The following CEP250 variants were observed in gnomAD, a reference collection of about 807,000 sequenced individuals.
CEP250 encodes the protein centrosome-associated protein CEP250.
CEP250 carries 242 observed loss-of-function variants against 315.7 expected under a neutral mutation model. That is an observed-to-expected ratio of 0.77 (90% CI 0.69 to 0.85). The LOEUF (loss-of-function observed/expected upper bound fraction) is 0.85. Among genes scored for constraint, CEP250 ranks in the 40% least tolerant of loss-of-function variants. CEP250 has a pLI of 0.00. For synonymous variants in CEP250, 1,088 were observed against 1,175.0 expected (o/e 0.93, Z 1.51); for missense variants, 2,515 against 2,886.4 (o/e 0.87, Z 2.95).
At chr20:35,486,022 T>C (rs184541015) in intron 20 of CEP250, among the ~76,000 whole-genome samples, 2 of 150,422 alleles carry the variant, frequency 1.3e-5, no homozygotes, top group African/African-American at 4.9e-5. Flanking sequence ...GGGTGAAAGA[T>C]AGTGGATTTA....
rs116172871 is a variant in CEP250, at chr20:35,472,707, G to A, written c.1085G>A (p.Gly362Asp). 2 of 1,614,160 alleles carry A rather than the reference G, an allele frequency of 1.2e-6. No homozygotes were observed. Among genetic ancestry groups the A allele is most frequent in the Non-Finnish European group, 8.5e-7 (1 of 1,180,022 alleles). The change falls in exon 12 of 35, where the codon GGC (glycine) becomes GAC (aspartate). Residue 362 changes from glycine to aspartate, a missense_variant. Gly to Asp is a moderately conservative substitution (Grantham distance 94). Coordinates refer to ENST00000397527, the MANE Select transcript of CEP250 (RefSeq NM_007186.6). ...GAAGAAGGGGACAATATAGCCCAAG[G>A]CTCTGGTCATGAGAACTCTTTGGAA... Reference protein sequence around the residue: ...MVEEGDNIAQGSGHENSLELD... With the variant: ...MVEEGDNIAQDSGHENSLELD...
In CEP250 at chr20:35,503,459, G is replaced by A. The variant is rs142095721; in HGVS notation, c.5090G>A (p.Arg1697Gln). The A allele has an allele frequency of 4.6e-5, 74 of 1,614,134 alleles. No individual in the cohort carries two copies. Among genetic ancestry groups the A allele is most frequent in the Admixed American group, 2.2e-4 (13 of 60,022 alleles). ...QIKLSLRERG[R>Q]ELTTQRQLMQ... Reference sequence around the variant, plus strand: ...AAGCTGTCCTTGAGAGAGCGAGGCCGGGAGCTGACCACTCAGAGGCAGCTG... The same window carrying A: ...AAGCTGTCCTTGAGAGAGCGAGGCCAGGAGCTGACCACTCAGAGGCAGCTG... The change falls in exon 30 of 35, where the codon CGG becomes CAG. Residue 1697 changes from arginine (R) to glutamine (Q), a missense_variant. By Grantham distance (43) the Arg-to-Gln change is conservative (BLOSUM62 1). Coordinates refer to ENST00000397527, the MANE Select transcript of CEP250 (RefSeq NM_007186.6). The surrounding 1 kb of genome is among the most constrained non-coding windows in gnomAD (Gnocchi z 4.2).
At chr20:35,466,276 A>G in intron 7 of CEP250, 72 bp downstream of exon 7, 4 of 1,491,798 alleles carry the variant, frequency 2.7e-6, no homozygotes, top group Non-Finnish European at 3.6e-6. Context: ...TCAGTACTGG[A>G]AGGAGTTAAC....
rs1449430875 is a variant in CEP250 at position 35,517,158 on chromosome 20, T to C, written c.*5532T>C. The C allele has an allele frequency of 3.2e-6, 1 of 315,044 alleles. No homozygotes were observed. The highest frequency in any genetic ancestry group is 4.6e-6 in the Non-Finnish European group (1 of 216,876). The allele number at this position is 315,044 out of a possible 1,614,324, so 19.5% of individuals were successfully genotyped here. ...CCTGCCTCCCTCTGGACCTATTCAG[T>C]CCTCAAGGGTGCCCTGCTAAAGGCT... On this transcript the variant is annotated 3_prime_UTR_variant, in exon 35 of 35. Transcript: ENST00000397527.
rs368047212 is a variant in CEP250, at chr20:35,461,365, TG to T, written c.-103-898del. 2.9e-3 allele frequency among the ~76,000 whole-genome samples: 439 copies of T among 150,826 alleles called. 2 individuals carry two copies. The highest frequency in any genetic ancestry group is 6.8e-3 in the Middle Eastern group (2 of 292). On this transcript the variant is annotated intron_variant, in intron 3 of 34. Transcript: ENST00000397527. ...GCACATCTGAGGTCACAGAGCCCAT[TG>T]GAGGCAGAGCTTGGACTAACACCCA... is the stretch of plus-strand genomic sequence containing the variant.
intron 24 of CEP250, 73 bp from the exon 25 acceptor site, chr20:35,496,504 G>C: frequency 7.9e-7 from 1 of 1,269,748 alleles, no homozygotes. Flanking sequence ...GCTATGTTTA[G>C]AATACTCAGA....
intron 20 of CEP250, among the ~76,000 whole-genome samples, chr20:35,490,260 C>A (rs552146426): frequency 6.6e-6 from 1 of 152,024 alleles, no homozygotes; most frequent in Non-Finnish European, 1.5e-5. Context: ...TTGCAGTGAG[C>A]GGAGATCGTG....
At position 35,514,054 on chromosome 20, in the gene CEP250, C is replaced by T; in HGVS notation, c.*2428C>T. On this transcript the variant is annotated 3_prime_UTR_variant, in exon 35 of 35. Transcript: ENST00000397527. ...GCAGGATTGCCTCTGTGGAGTGTCC[C>T]ACCAATAATGGTGACAACTGCTGTT... 1 of 152,282 alleles carries T rather than the reference C, an allele frequency of 6.6e-6. No individual in the cohort carries two copies. The highest frequency in any genetic ancestry group is 1.9e-4 in the East Asian group (1 of 5,192). 9.4% of individuals were successfully genotyped at this position (152,282 alleles called of 1,614,324 possible).
intron 24 of CEP250, among the ~76,000 whole-genome samples, chr20:35,496,177 G>T (rs545968227): frequency 6.6e-6 from 1 of 152,082 alleles, no homozygotes; most frequent in South Asian, 2.1e-4. Context: ...TGCCAGAGAA[G>T]AATAAGGTTG....
intron 20 of CEP250, among the ~76,000 whole-genome samples, chr20:35,486,498 C>T (rs1254760524): frequency 6.6e-6 from 1 of 152,072 alleles, no homozygotes; most frequent in African/African-American, 2.4e-5. Flanking sequence ...CTGCCACAGC[C>T]TCCCAAACTG....
intron 21 of CEP250, 197 bp from the exon 22 acceptor site, chr20:35,491,015 C>T: frequency 1.3e-6 from 1 of 789,836 alleles, no homozygotes; most frequent in Admixed American, 2.9e-5. Context: ...TGACATGTAC[C>T]ACATCCTGTC....
At chr20:35,461,129 T>C (rs955535166) in intron 3 of CEP250, among the ~76,000 whole-genome samples, 3 of 152,254 alleles carry the variant, frequency 2.0e-5, no homozygotes, top group Non-Finnish European at 4.4e-5. Context: ...TTCTACTGTA[T>C]GTGCAAATGT....
chr20:35,475,157 A>T (rs2063134706), intron 14 of CEP250, among the ~76,000 whole-genome samples: 1 of 152,172 alleles, frequency 6.6e-6, no homozygotes, highest in Non-Finnish European at 1.5e-5. Context: ...AAGAAGATAC[A>T]CAGAGAAGTC....
chr20:35,508,976 G>C lies in CEP250; in HGVS notation c.6940G>C (p.Ala2314Pro), dbSNP rs1568847681. 2.6e-6 allele frequency: 4 copies of C among 1,557,394 alleles called. No homozygotes were observed. The highest frequency in any genetic ancestry group is 1.9e-5 in the Admixed American group (1 of 51,796). The change falls in exon 33 of 35, where the codon GCC becomes CCC. Residue 2314 changes from alanine (A) to proline (P), a missense_variant. Transcript: ENST00000397527. ...AGAACGGAGGAAGCTGAAGAGGGAGGCCATGCGTGCGGCCCAGGCAGGGTC... is the reference window on the plus strand; with the variant it reads ...AGAACGGAGGAAGCTGAAGAGGGAGCCCATGCGTGCGGCCCAGGCAGGGTC... Reference protein sequence around the residue: ...ERERRKLKREAMRAAQAGSLE... With the variant: ...ERERRKLKREPMRAAQAGSLE...
At chr20:35,482,231 T>C (rs562129566) in intron 20 of CEP250, among the ~76,000 whole-genome samples, 1 of 151,596 alleles carries the variant, frequency 6.6e-6, no homozygotes, top group Non-Finnish European at 1.5e-5. Flanking sequence ...ATTATTATTT[T>C]TTTGTTTGTT....
intron 3 of CEP250, among the ~76,000 whole-genome samples, chr20:35,461,991 G>A (rs766866263): frequency 4.6e-5 from 7 of 152,146 alleles, no homozygotes; most frequent in Admixed American, 2.0e-4. Context: ...CACCTTCAGC[G>A]ATTCATTCAA....
chr20:35,492,900 G>T (rs1353241790), intron 22 of CEP250, among the ~76,000 whole-genome samples: 1 of 151,966 alleles, frequency 6.6e-6, no homozygotes, highest in Admixed American at 6.6e-5. Context: ...GCTAATTTTT[G>T]TATTTTTAGT....
At position 35,513,558 on chromosome 20, in the gene CEP250, C is replaced by CT. The variant is rs2147252680; in HGVS notation, c.*1935dup. On this transcript the variant is annotated 3_prime_UTR_variant, in exon 35 of 35. Transcript: ENST00000397527. ...CGGGCATGAGCCACCGCGCCCGGCC[C>CT]TTTAGGCCATTTTTATGCTAGGAGT... is the stretch of plus-strand genomic sequence containing the variant. 1 of 152,288 alleles carries CT rather than the reference C, an allele frequency of 6.6e-6. No individual in the cohort carries two copies. Among genetic ancestry groups the CT allele is most frequent in the African/African-American group, 2.4e-5 (1 of 41,564 alleles). The allele number at this position is 152,288 out of a possible 1,614,324, so 9.4% of individuals were successfully genotyped here.
intron 20 of CEP250, 114 bp from the exon 21 acceptor site, chr20:35,490,523 G>T: frequency 1.1e-6 from 1 of 891,856 alleles, no homozygotes; most frequent in Admixed American, 2.9e-5. Context: ...GCTTAGAGAG[G>T]TACCAAGGTC....
Sources: gnomAD v4.1 joint callset for allele counts (sites outside exome capture counted in the v4.1 genomes callset) on GRCh38, gnomAD v4.1.1 for gene constraint, Gnocchi (gnomAD v3.1) non-coding constraint, MANE v1.5 for transcripts, NCBI Gene and HGNC (gene_info 2026-07-23, HGNC 2026-07-21) for gene names.